Variants in CLNK observed in about 807,000 individuals in gnomAD.
CLNK encodes the protein cytokine-dependent hematopoietic cell linker.
In CLNK, 74 loss-of-function variants were observed where a neutral mutation model predicts 68.6. The observed-to-expected ratio is 1.08, with a 90% CI of 0.89 to 1.31. CLNK has a LOEUF of 1.31. Among genes scored for constraint, CLNK ranks in the 50% most tolerant of loss-of-function variants. The pLI, the probability that CLNK is intolerant of heterozygous loss-of-function variation, is 0.00. For synonymous variants in CLNK, 198 were observed against 172.2 expected (o/e 1.15, Z -1.17); for missense variants, 553 against 515.3 (o/e 1.07, Z -0.71).
chr4:10,511,596 T>C (rs1184325458), intron 16 of CLNK, among the ~76,000 whole-genome samples: 1 of 152,216 alleles, frequency 6.6e-6, no homozygotes, highest in East Asian at 1.9e-4. Flanking sequence ...TCTAGGTACC[T>C]TGTATTCCTG....
At position 10,673,162 on chromosome 4, in the gene CLNK, G is replaced by A. The variant is rs114869309; in HGVS notation, c.-42-5251C>T. On this transcript the variant is annotated intron_variant, in intron 1 of 18. Coordinates refer to ENST00000226951, the MANE Select transcript of CLNK (RefSeq NM_052964.4). ...GGCTCTTGCAATTGTACAGGGTAGA[G>A]TTTACTACTGTATCTGCAACTATTT... 1.6e-3 allele frequency among the ~76,000 whole-genome samples: 249 copies of A among 152,282 alleles called. 1 individual carries two copies. Among genetic ancestry groups the A allele is most frequent in the African/African-American group, 5.1e-3 (211 of 41,554 alleles).
intron 2 of CLNK, among the ~76,000 whole-genome samples, chr4:10,602,064 C>G (rs908505208): frequency 1.3e-5 from 2 of 152,156 alleles, no homozygotes; most frequent in Non-Finnish European, 2.9e-5. Flanking sequence ...TCTTGAGCAC[C>G]CTTCCAGCAC....
intron 2 of CLNK, among the ~76,000 whole-genome samples, chr4:10,654,243 C>T (rs1005026136): frequency 6.6e-6 from 1 of 151,446 alleles, no homozygotes; most frequent in African/African-American, 2.4e-5. Flanking sequence ...GAATTTATCT[C>T]AGAAATTCAA....
intron 5 of CLNK, among the ~76,000 whole-genome samples, chr4:10,570,902 C>T (rs1331600850): frequency 5.9e-5 from 9 of 152,060 alleles, no homozygotes; most frequent in Non-Finnish European, 1.3e-4. Flanking sequence ...TTACTGAATA[C>T]TTAGCATAAT....
At chr4:10,699,512 A>ATATATATATAT in the CLNK span, among the ~76,000 whole-genome samples, 1 of 32,760 alleles carries the variant, frequency 3.1e-5, no homozygotes, top group East Asian at 9.1e-4. Flanking sequence ...ATATATATAT[A>ATATATATATAT]TTTTTTTTTT....
intron 4 of CLNK, among the ~76,000 whole-genome samples, chr4:10,572,385 G>T (rs548822453): frequency 1.2e-4 from 19 of 152,230 alleles, no homozygotes; most frequent in African/African-American, 4.6e-4. Flanking sequence ...ACTCTTATTT[G>T]GGCTTGTTTT....
intron 18 of CLNK, among the ~76,000 whole-genome samples, chr4:10,499,199 T>C (rs892917958): frequency 2.0e-5 from 3 of 152,082 alleles, no homozygotes; most frequent in African/African-American, 7.2e-5. Context: ...CAACTGGGAT[T>C]AGTTTAGATT....
At chr4:10,578,369 T>C (rs1189654541) in intron 4 of CLNK, among the ~76,000 whole-genome samples, 1 of 152,148 alleles carries the variant, frequency 6.6e-6, no homozygotes, top group Non-Finnish European at 1.5e-5. Context: ...TCACAAGGGT[T>C]CTTCAAGCTG....
At chr4:10,582,251 A>T (rs1219186535) in intron 4 of CLNK, among the ~76,000 whole-genome samples, 1 of 152,186 alleles carries the variant, frequency 6.6e-6, no homozygotes, top group African/African-American at 2.4e-5. Flanking sequence ...CAGCATCTGG[A>T]AACAGCCAGC....
chr4:10,550,603 T>G (rs756825160), intron 8 of CLNK, among the ~76,000 whole-genome samples: 4 of 152,216 alleles, frequency 2.6e-5, no homozygotes. Flanking sequence ...TGTCTGAAAC[T>G]GAGGATAGTA....
At chr4:10,636,486 A>T (rs1215429486) in intron 2 of CLNK, among the ~76,000 whole-genome samples, 1 of 152,136 alleles carries the variant, frequency 6.6e-6, no homozygotes, top group Non-Finnish European at 1.5e-5. Flanking sequence ...TGGCCTCCTG[A>T]TTTGTAAGAA....
At chr4:10,597,695 C>T (rs1033077985) in intron 3 of CLNK, among the ~76,000 whole-genome samples, 19 of 152,156 alleles carry the variant, frequency 1.2e-4, no homozygotes, top group African/African-American at 4.3e-4. Context: ...CCATCACTGG[C>T]TCTCTCTGGG....
chr4:10,683,980 G>T (rs550883280), intron 1 of CLNK, among the ~76,000 whole-genome samples: 21 of 152,228 alleles, frequency 1.4e-4, no homozygotes, highest in Non-Finnish European at 2.8e-4. Context: ...CAGGCATATC[G>T]ACACCTTTTA....
rs143974074 is a variant in CLNK, at chr4:10,596,747, A to G, written c.83+1231T>C. 1.8e-3 allele frequency among the ~76,000 whole-genome samples: 268 copies of G among 152,286 alleles called. 5 individuals carry two copies. The highest frequency in any genetic ancestry group is 4.1e-4 in the Non-Finnish European group (28 of 68,030). ...AACATCATCTGTTGCTCTTTTTAAT[A>G]TATCTTGAGCATGCTATGACACATT... On this transcript the variant is annotated intron_variant, in intron 3 of 18. Transcript: ENST00000226951.
chr4:10,700,281 G>C, the CLNK span, among the ~76,000 whole-genome samples: 1 of 152,090 alleles, frequency 6.6e-6, no homozygotes, highest in Non-Finnish European at 1.5e-5. Flanking sequence ...CTTTGGGAGC[G>C]ATATGATTAT....
At chr4:10,627,868 T>C (rs1354785177) in intron 2 of CLNK, among the ~76,000 whole-genome samples, 2 of 152,144 alleles carry the variant, frequency 1.3e-5, no homozygotes, top group Non-Finnish European at 2.9e-5. Context: ...GCTCCAGAAC[T>C]TACTGAGAAA....
chr4:10,526,829 C>G (rs1718342076), intron 13 of CLNK, among the ~76,000 whole-genome samples: 1 of 152,138 alleles, frequency 6.6e-6, no homozygotes, highest in Non-Finnish European at 1.5e-5. Flanking sequence ...CTTTTCATCA[C>G]AGATAGATTT....
At chr4:10,645,009 A>G (rs61796799) in intron 2 of CLNK, among the ~76,000 whole-genome samples, 6,308 of 152,336 alleles carry the variant, frequency 0.041, 193 homozygotes, top group Middle Eastern at 0.099. Context: ...GTCTTCCTGC[A>G]CTTGCACATA....
chr4:10,681,884 G>T lies in CLNK; in HGVS notation c.-43+2784C>A, dbSNP rs916228934. Among the ~76,000 whole-genome samples, 3 of 152,230 alleles carry T rather than the reference G, an allele frequency of 2.0e-5. No homozygotes were observed. The Middle Eastern group carries it at 0.01, about 518-fold the overall frequency. Reference sequence around the variant, plus strand: ...GGAGCCTGCCTGAACTTCAGAATCCGTTTTGTAAAGTAAGAATTAAGTACA... The same window carrying T: ...GGAGCCTGCCTGAACTTCAGAATCCTTTTTGTAAAGTAAGAATTAAGTACA... On this transcript the variant is annotated intron_variant, in intron 1 of 18. Coordinates refer to ENST00000226951, the MANE Select transcript of CLNK (RefSeq NM_052964.4).
Sources: gnomAD v4.1 joint callset for allele counts (sites outside exome capture counted in the v4.1 genomes callset) on GRCh38, gnomAD v4.1.1 for gene constraint, MANE v1.5 for transcripts, NCBI Gene and HGNC (gene_info 2026-07-23, HGNC 2026-07-21) for gene names.